PLXDC2: variants seen among roughly 807,000 people sequenced by gnomAD.
The protein encoded by PLXDC2 is plexin domain-containing protein 2.
In PLXDC2, 40 loss-of-function variants were observed where a neutral mutation model predicts 68.9. The observed-to-expected ratio is 0.58, with a 90% confidence interval of 0.45 to 0.76. The LOEUF (loss-of-function observed/expected upper bound fraction) is 0.76, where lower values mean the gene tolerates loss of function less well. Among genes scored for constraint, PLXDC2 ranks in the 30% least tolerant of loss-of-function variants. The pLI is 0.00. For synonymous variants in PLXDC2, 243 were observed against 234.2 expected, an observed-to-expected ratio of 1.04 and a Z score of -0.34; for missense variants, 644 against 661.9, an observed-to-expected ratio of 0.97 and a Z score of 0.30.
intron 3 of PLXDC2, among the ~76,000 whole-genome samples, chr10:20,051,379 C>T (rs1403045542): frequency 1.5e-5 from 2 of 137,730 alleles, no homozygotes; most frequent in Admixed American, 8.0e-5. Flanking sequence ...TACTGCTGAC[C>T]CTAAAATAAA....
intron 1 of PLXDC2, among the ~76,000 whole-genome samples, chr10:19,820,601 TCCGCAG>T (rs2131993433): frequency 7.0e-6 from 1 of 143,884 alleles, no homozygotes; most frequent in Non-Finnish European, 1.5e-5. Context: ...GCCACTGCAG[TCCGCAG>T]TCCGGCCTGG....
At chr10:20,058,917 C>T (rs1451906071) in intron 3 of PLXDC2, among the ~76,000 whole-genome samples, 1 of 152,148 alleles carries the variant, frequency 6.6e-6, no homozygotes, top group Non-Finnish European at 1.5e-5. Flanking sequence ...TCCTTTTAAC[C>T]TATTTCACTC....
intron 9 of PLXDC2, among the ~76,000 whole-genome samples, chr10:20,184,767 T>G (rs1430058547): frequency 6.6e-6 from 1 of 151,968 alleles, no homozygotes; most frequent in Admixed American, 6.6e-5. Context: ...TCCTTTGGTT[T>G]TGTCTCTATG....
chr10:20,070,922 T>C (rs775346286), intron 4 of PLXDC2: 1 of 151,834 alleles, frequency 6.6e-6, no homozygotes, highest in Non-Finnish European at 1.5e-5. Context: ...AGCTACATCA[T>C]CCTTGCGATT....
At chr10:19,852,619 A>G (rs1564609613) in intron 1 of PLXDC2, among the ~76,000 whole-genome samples, 2 of 152,124 alleles carry the variant, frequency 1.3e-5, no homozygotes, top group African/African-American at 4.8e-5. Flanking sequence ...ATATTCCACA[A>G]AGTTTGTTGA....
At chr10:20,037,535 G>T (rs1205295927) in intron 2 of PLXDC2, among the ~76,000 whole-genome samples, 1 of 151,988 alleles carries the variant, frequency 6.6e-6, no homozygotes, top group Non-Finnish European at 1.5e-5. Context: ...AGTCTTTGGG[G>T]CTCATTCTTG....
chr10:20,094,402 T>A (rs988168584), intron 4 of PLXDC2, among the ~76,000 whole-genome samples: 1 of 152,002 alleles, frequency 6.6e-6, no homozygotes, highest in Non-Finnish European at 1.5e-5. Flanking sequence ...ATACACAACC[T>A]CATATGGGTT....
At chr10:20,134,579 G>T (rs1028917845) in intron 4 of PLXDC2, among the ~76,000 whole-genome samples, 2 of 152,102 alleles carry the variant, frequency 1.3e-5, no homozygotes, top group Non-Finnish European at 2.9e-5. Context: ...CTAGTGTCTG[G>T]GTCTGCATGA....
intron 1 of PLXDC2, among the ~76,000 whole-genome samples, chr10:19,999,225 TTCC>T (rs760532202): frequency 2.0e-5 from 3 of 152,204 alleles, no homozygotes; most frequent in Non-Finnish European, 2.9e-5. Flanking sequence ...CTAATGGGTA[TTCC>T]AGAAAGTTCT....
intron 1 of PLXDC2, among the ~76,000 whole-genome samples, chr10:19,837,569 G>A (rs1184525066): frequency 1.3e-5 from 2 of 152,034 alleles, no homozygotes; most frequent in African/African-American, 4.8e-5. Context: ...ATGCTAAGGT[G>A]GTTACATAGT....
chr10:20,253,234 G>T (rs1349863695), intron 13 of PLXDC2, among the ~76,000 whole-genome samples: 2 of 151,702 alleles, frequency 1.3e-5, no homozygotes, highest in Non-Finnish European at 2.9e-5. Flanking sequence ...GCATGGTAGT[G>T]TGCACCTGTA....
chr10:20,137,199 C>T (rs115940742), intron 4 of PLXDC2, among the ~76,000 whole-genome samples: 5,564 of 152,210 alleles, frequency 0.037, 125 homozygotes, highest in South Asian at 0.067. Context: ...ATAGAAAAGG[C>T]GTCAAGGGAT....
At chr10:19,935,036 C>T (rs1000182539) in intron 1 of PLXDC2, among the ~76,000 whole-genome samples, 3 of 152,184 alleles carry the variant, frequency 2.0e-5, no homozygotes, top group African/African-American at 7.2e-5. Flanking sequence ...CATATGCTCC[C>T]CTTGAAAATT....
chr10:19,947,244 G>A (rs1158970019), intron 1 of PLXDC2, among the ~76,000 whole-genome samples: 4 of 152,186 alleles, frequency 2.6e-5, no homozygotes, highest in African/African-American at 9.7e-5. Context: ...AGTGAGACCA[G>A]TTTTGAACCT....
intron 1 of PLXDC2, among the ~76,000 whole-genome samples, chr10:19,845,342 G>T (rs142397060): frequency 3.3e-5 from 5 of 152,304 alleles, no homozygotes; most frequent in Admixed American, 6.5e-5. Flanking sequence ...ACTGTAGAGA[G>T]TAAGGGTAAT....
At chr10:20,163,060 TA>T (rs1564338370) in intron 6 of PLXDC2, among the ~76,000 whole-genome samples, 1 of 151,804 alleles carries the variant, frequency 6.6e-6, no homozygotes, top group South Asian at 2.1e-4. Context: ...GTCCCAAAAA[TA>T]AAAAATAAAA....
chr10:19,986,835 T>A (rs1212815579), intron 1 of PLXDC2, among the ~76,000 whole-genome samples: 1 of 152,218 alleles, frequency 6.6e-6, no homozygotes, highest in African/African-American at 2.4e-5. Context: ...AATGGGAACA[T>A]GTTAATGTGC....
intron 5 of PLXDC2, among the ~76,000 whole-genome samples, chr10:20,144,868 A>G (rs950410321): frequency 2.6e-5 from 4 of 152,224 alleles, no homozygotes; most frequent in Admixed American, 1.3e-4. Context: ...TATCAAAATC[A>G]TAAAGCATAT....
intron 9 of PLXDC2, among the ~76,000 whole-genome samples, chr10:20,190,717 T>C (rs1180487173): frequency 1.3e-5 from 2 of 151,788 alleles, no homozygotes; most frequent in Admixed American, 6.6e-5. Context: ...AAGTAATTTA[T>C]GGTTTGATTA....
Sources: gnomAD v4.1 joint callset for allele counts (sites outside exome capture counted in the v4.1 genomes callset) on GRCh38, gnomAD v4.1.1 for gene constraint, MANE v1.5 for transcripts, NCBI Gene and HGNC (gene_info 2026-07-23, HGNC 2026-07-21) for gene names.